STX18: variants seen among roughly 807,000 people sequenced by gnomAD.
STX18 encodes the protein syntaxin 18.
STX18 carries 40 observed loss-of-function variants against 50.1 expected under a neutral mutation model. The observed-to-expected ratio is 0.80, with a 90% confidence interval of 0.62 to 1.04. The LOEUF (loss-of-function observed/expected upper bound fraction) is 1.04. Ranked by LOEUF, STX18 falls within the 50% of genes least tolerant of loss-of-function variation. The probability of loss-of-function intolerance (pLI) is 0.00; values close to 1 mark genes in which losing one functional copy is unlikely to be tolerated. For synonymous variants in STX18, 158 were observed against 151.8 expected (o/e 1.04, Z -0.30); for missense variants, 410 against 415.8 (o/e 0.99, Z 0.12).
chr4:4,468,526 A>C (rs1409639486), intron 2 of STX18, among the ~76,000 whole-genome samples: 7 of 152,048 alleles, frequency 4.6e-5, no homozygotes, highest in Admixed American at 4.6e-4. Context: ...CTGGAAATAA[A>C]GTCACCTTCC....
chr4:4,453,527 G>A (rs1726875951), intron 5 of STX18: 3 of 192,776 alleles, frequency 1.6e-5, no homozygotes, highest in Non-Finnish European at 2.8e-5. Context: ...ACACTTTATA[G>A]TATAAACATA....
At chr4:4,505,600 C>T (rs376851912) in intron 1 of STX18, among the ~76,000 whole-genome samples, 2 of 149,814 alleles carry the variant, frequency 1.3e-5, no homozygotes, top group Non-Finnish European at 3.0e-5. Flanking sequence ...GCCAACACGG[C>T]GAAACTCCAT....
Position 4,536,027 on chromosome 4 carries a change from C to T in STX18, c.168+5770G>A, listed in dbSNP as rs573473455. On this transcript the variant is annotated intron_variant, in intron 1 of 10. Coordinates refer to ENST00000306200, the MANE Select transcript of STX18 (RefSeq NM_016930.4). ...AAAAAAGTTACAGTTGTTACTCATA[C>T]CTGAGTTGTTGTGCTACCTGTGTCT... Among the ~76,000 whole-genome samples, 7 of 152,332 alleles carry T rather than the reference C, an allele frequency of 4.6e-5. No homozygotes were observed. In the South Asian group the frequency reaches 1.5e-3, roughly 32 times the overall value.
rs772429275 is a variant in STX18, at chr4:4,457,380, A to G, written c.430+43T>C. On this transcript the variant is annotated intron_variant, in intron 4 of 10. Transcript: ENST00000306200. ...CAAAGCTAAATTCTGCATCACATCT[A>G]TTGTGAAATGTTACATTTGACCTTT... 5.7e-6 allele frequency: 9 copies of G among 1,577,426 alleles called. No homozygotes were observed. In the East Asian group the frequency reaches 1.8e-4, roughly 31 times the overall value.
At chr4:4,462,679 T>C (rs1002686937) in intron 2 of STX18, among the ~76,000 whole-genome samples, 5 of 148,868 alleles carry the variant, frequency 3.4e-5, no homozygotes, top group African/African-American at 7.4e-5. Context: ...CTGGACAACA[T>C]AGCAAAACCA....
intron 1 of STX18, among the ~76,000 whole-genome samples, chr4:4,485,851 CT>C (rs1292741203): frequency 2.6e-5 from 4 of 152,194 alleles, no homozygotes; most frequent in Non-Finnish European, 4.4e-5. Context: ...CAAAGCTCTC[CT>C]TTTTCTCGAT....
intron 1 of STX18, among the ~76,000 whole-genome samples, chr4:4,504,326 T>C (rs1267839063): frequency 6.6e-6 from 1 of 152,192 alleles, no homozygotes; most frequent in Non-Finnish European, 1.5e-5. Context: ...CTTATGTATT[T>C]ATTATCTCTC....
rs549307112 is a variant in STX18 at position 4,450,522 on chromosome 4, C to T, written c.497+6669G>A. Among the ~76,000 whole-genome samples, 5 of 152,184 alleles carry T rather than the reference C, an allele frequency of 3.3e-5. No individual in the cohort carries two copies. In the South Asian group the frequency reaches 1.0e-3, roughly 32 times the overall value. On this transcript the variant is annotated intron_variant, in intron 5 of 10. Transcript: ENST00000306200. Reference sequence around the variant, plus strand: ...TTTTGCCATATTGCCCAGGCTGGTCCCGAACTCCCGGCCTCAAGCAATCCA... The same window carrying T: ...TTTTGCCATATTGCCCAGGCTGGTCTCGAACTCCCGGCCTCAAGCAATCCA...
At chr4:4,507,089 T>C in intron 1 of STX18, 1 of 538,754 alleles carries the variant, frequency 1.9e-6, no homozygotes, top group Admixed American at 2.0e-5. Context: ...CATGTTCAGT[T>C]GGAGCGCCAA....
intron 2 of STX18, among the ~76,000 whole-genome samples, chr4:4,471,397 G>A (rs1292682108): frequency 6.6e-6 from 1 of 152,316 alleles, no homozygotes; most frequent in African/African-American, 2.4e-5. Flanking sequence ...TTTGACAGGA[G>A]ATAATGGTAC....
chr4:4,466,242 T>C (rs1577348128), intron 2 of STX18, among the ~76,000 whole-genome samples: 1 of 151,616 alleles, frequency 6.6e-6, no homozygotes, highest in South Asian at 2.1e-4. Flanking sequence ...GATGGAAGCA[T>C]GTGAACATGT....
rs949921026 is a variant in STX18 at position 4,420,644 on chromosome 4, TG to T, written c.912+219del. The stretch of plus-strand genomic sequence containing the variant: ...CCCCACCCACCCTGGATTGCTCCTT[TG>T]GAGGCTGGTGAGCCACTGCCTCTCG... On this transcript the variant is annotated intron_variant, in intron 10 of 10. Transcript: ENST00000306200. The surrounding 1 kb of genome is among the most constrained non-coding windows in gnomAD (Gnocchi z 4.3). 5.3e-6 allele frequency: 3 copies of T among 565,036 alleles called. No homozygotes were observed. Among genetic ancestry groups the T allele is most frequent in the Non-Finnish European group, 9.4e-6 (3 of 318,380 alleles). The allele number at this position is 565,036 out of a possible 1,614,324, so 35.0% of individuals were successfully genotyped here.
At chr4:4,453,161 T>C (rs1726854908) in intron 5 of STX18, among the ~76,000 whole-genome samples, 1 of 152,234 alleles carries the variant, frequency 6.6e-6, no homozygotes. Flanking sequence ...ATAAACTTGG[T>C]TGACAAAGCA....
In STX18 at chr4:4,521,204, C is replaced by T. The variant is rs144928341; in HGVS notation, c.168+20593G>A. 5.4e-3 allele frequency among the ~76,000 whole-genome samples: 825 copies of T among 152,266 alleles called. 9 individuals carry two copies. The highest frequency in any genetic ancestry group is 0.018 in the African/African-American group (752 of 41,562). On this transcript the variant is annotated intron_variant, in intron 1 of 10. Transcript: ENST00000306200. ...TCTTTTGACTCCAAGGCCTGGTTTC[C>T]TTTAGGTCCCCTCACTGACATTTCT...
intron 7 of STX18, among the ~76,000 whole-genome samples, chr4:4,430,972 G>A (rs1725487637): frequency 1.3e-5 from 2 of 152,262 alleles, no homozygotes; most frequent in South Asian, 2.1e-4. Context: ...CACAGGATGA[G>A]AGCATCAGGT....
chr4:4,488,787 G>C (rs935093931), intron 1 of STX18, among the ~76,000 whole-genome samples: 1 of 152,180 alleles, frequency 6.6e-6, no homozygotes, highest in African/African-American at 2.4e-5. Context: ...AACAAGGGGA[G>C]GGGGTGGCCC....
intron 7 of STX18, among the ~76,000 whole-genome samples, chr4:4,426,875 C>T (rs924391946): frequency 2.6e-5 from 4 of 152,144 alleles, no homozygotes; most frequent in African/African-American, 7.2e-5. Context: ...GCCCTGGCCA[C>T]GTGACATCTC....
rs200773664 is a variant in STX18, at chr4:4,469,285, T to TA, written c.236+2353dup. The stretch of plus-strand genomic sequence containing the variant: ...AATGGTTAAAGGTTTTTAAAGGTTG[T>TA]AAAAAAAACAAAACAAAAAATATGT... On this transcript the variant is annotated intron_variant, in intron 2 of 10. Transcript: ENST00000306200. 2.4e-3 allele frequency among the ~76,000 whole-genome samples: 362 copies of TA among 151,922 alleles called. 2 individuals are homozygous for TA. The highest frequency in any genetic ancestry group is 7.8e-3 in the African/African-American group (325 of 41,414).
chr4:4,533,576 CA>C (rs1395535323), intron 1 of STX18, among the ~76,000 whole-genome samples: 1 of 152,184 alleles, frequency 6.6e-6, no homozygotes, highest in Non-Finnish European at 1.5e-5. Context: ...ACAGTGCTTA[CA>C]ACAAATTAAC....
Sources: gnomAD v4.1 joint callset for allele counts (sites outside exome capture counted in the v4.1 genomes callset) on GRCh38, gnomAD v4.1.1 for gene constraint, Gnocchi (gnomAD v3.1) non-coding constraint, MANE v1.5 for transcripts, NCBI Gene and HGNC (gene_info 2026-07-23, HGNC 2026-07-21) for gene names.